Variants in RILPL1 observed in about 807,000 individuals in gnomAD.
RILPL1 encodes the protein Rab interacting lysosomal protein like 1, also known as RILP-like protein 1.
Under a neutral mutation model 50.3 loss-of-function variants are expected in RILPL1, and 33 were observed. The observed-to-expected ratio is 0.66, with a 90% confidence interval of 0.50 to 0.88. The LOEUF (loss-of-function observed/expected upper bound fraction) is 0.88. Among genes scored for constraint, RILPL1 ranks in the 40% least tolerant of loss-of-function variants. The probability of loss-of-function intolerance (pLI) is 0.00; values close to 1 mark genes in which losing one functional copy is unlikely to be tolerated. For missense variants in RILPL1, 418 were observed against 542.5 expected (o/e 0.77, Z 2.28); for synonymous variants, 205 against 228.6 (o/e 0.90, Z 0.93).
chr12:123,490,938 T>G (rs1302845742), intron 4 of RILPL1, among the ~76,000 whole-genome samples: 1 of 152,080 alleles, frequency 6.6e-6, no homozygotes, highest in Non-Finnish European at 1.5e-5. Context: ...TTAGTAGAGA[T>G]GGGCTTTCGC....
In RILPL1 at chr12:123,528,330, G is replaced by C. The variant is rs145890250; in HGVS notation, c.310-4685C>G. Among the ~76,000 whole-genome samples the C allele has an allele frequency of 4.5e-4, 66 of 148,178 alleles. No individual in the cohort carries two copies. In the East Asian group the frequency reaches 0.013, roughly 29 times the overall value. On this transcript the variant is annotated intron_variant, in intron 1 of 6. Coordinates refer to ENST00000376874, the MANE Select transcript of RILPL1 (RefSeq NM_178314.5). ...GCCAATGGTCACGCACGGCACGCCA[G>C]CCTGGGCAACAGAGTGAGATGCTGT...
chr12:123,501,377 C>T (rs747841259), intron 2 of RILPL1, among the ~76,000 whole-genome samples: 25 of 151,908 alleles, frequency 1.6e-4, no homozygotes, highest in Admixed American at 2.6e-4. Context: ...CCCAGGAGTT[C>T]GAGGCTGCAG....
chr12:123,511,808 G>A (rs1210550308), intron 2 of RILPL1, among the ~76,000 whole-genome samples: 1 of 135,078 alleles, frequency 7.4e-6, no homozygotes, highest in Admixed American at 7.2e-5. Flanking sequence ...TGTGTGGTGT[G>A]TGAGGTCTGT....
At chr12:123,504,220 A>G (rs1883591382) in intron 2 of RILPL1, among the ~76,000 whole-genome samples, 1 of 152,072 alleles carries the variant, frequency 6.6e-6, no homozygotes, top group Non-Finnish European at 1.5e-5. Context: ...CAAGGGGGAA[A>G]CGTCCCTCCT....
chr12:123,503,481 G>T (rs905437944), intron 2 of RILPL1, among the ~76,000 whole-genome samples: 2 of 151,822 alleles, frequency 1.3e-5, no homozygotes, highest in African/African-American at 4.8e-5. Context: ...GATTATATAG[G>T]CATGAGCCAC....
chr12:123,471,404 A>G lies in RILPL1; in HGVS notation c.*1134T>C, dbSNP rs1281940272. ...ATGGTTTCTTAGCAAACTTCAGTAG[A>G]ATGTTTAGAACGCGGCCCTGATAAA... On this transcript the variant is annotated 3_prime_UTR_variant, in exon 7 of 7. Transcript: ENST00000376874. 2 of 152,140 alleles carry G rather than the reference A, an allele frequency of 1.3e-5. No individual in the cohort carries two copies. Among genetic ancestry groups the G allele is most frequent in the Non-Finnish European group, 2.9e-5 (2 of 68,056 alleles). 9.4% of individuals were successfully genotyped at this position (152,140 alleles called of 1,614,324 possible).
chr12:123,506,024 T>A (rs894580257), intron 2 of RILPL1, among the ~76,000 whole-genome samples: 3 of 152,202 alleles, frequency 2.0e-5, no homozygotes, highest in Non-Finnish European at 2.9e-5. Context: ...CTCACTGGTT[T>A]ACAGATGTCA....
chr12:123,497,063 T>C (rs1338829432), intron 4 of RILPL1, among the ~76,000 whole-genome samples: 3 of 152,238 alleles, frequency 2.0e-5, no homozygotes, highest in Non-Finnish European at 4.4e-5. Flanking sequence ...TGGGCCTGGC[T>C]TCTTTCACTC....
chr12:123,511,815 CTGTGTG>C (rs148364915), intron 2 of RILPL1, among the ~76,000 whole-genome samples: 1 of 75,414 alleles, frequency 1.3e-5, no homozygotes, highest in African/African-American at 6.6e-5. Context: ...TGTGTGAGGT[CTGTGTG>C]TGTGTGTGAG....
At chr12:123,476,611 G>T (rs1363052639) in intron 6 of RILPL1, among the ~76,000 whole-genome samples, 1 of 152,066 alleles carries the variant, frequency 6.6e-6, no homozygotes, top group South Asian at 2.1e-4. Context: ...CTGAGGTGAG[G>T]CTTCTGCAGG....
At chr12:123,482,302 A>C (rs182257901) in intron 6 of RILPL1, among the ~76,000 whole-genome samples, 29 of 152,240 alleles carry the variant, frequency 1.9e-4, no homozygotes, top group Non-Finnish European at 2.2e-4. Flanking sequence ...CTTCCCTAGG[A>C]AATGTTTATC....
At chr12:123,508,009 TA>T (rs1225909062) in intron 2 of RILPL1, among the ~76,000 whole-genome samples, 1 of 131,922 alleles carries the variant, frequency 7.6e-6, no homozygotes, top group Non-Finnish European at 1.6e-5. Flanking sequence ...CTAGGGGGAA[TA>T]GGGGGAATGG....
intron 1 of RILPL1, among the ~76,000 whole-genome samples, chr12:123,527,260 G>C (rs1265846643): frequency 6.6e-6 from 1 of 152,158 alleles, no homozygotes; most frequent in East Asian, 1.9e-4. Flanking sequence ...GAGCCCCGGA[G>C]GTTGAGGCTG....
chr12:123,501,915 A>C (rs1187019345), intron 2 of RILPL1, among the ~76,000 whole-genome samples: 1 of 151,650 alleles, frequency 6.6e-6, no homozygotes, highest in African/African-American at 2.4e-5. Context: ...GTCTCTACTA[A>C]AAATACAAAA....
rs1036530282 is a variant in RILPL1, at chr12:123,479,280, G to C, written c.1067+4900C>G. On this transcript the variant is annotated intron_variant, in intron 6 of 6. Transcript: ENST00000376874. ...CAGGATGGAAGATACTTTAGTTCAA[G>C]TACTCTAAGCTGCCGAAGCCCCTGA... Among the ~76,000 whole-genome samples, 5 of 152,076 alleles carry C rather than the reference G, an allele frequency of 3.3e-5. No individual in the cohort carries two copies. In the East Asian group the frequency reaches 9.6e-4, roughly 29 times the overall value.
chr12:123,520,226 T>C (rs963890433), intron 2 of RILPL1, among the ~76,000 whole-genome samples: 3 of 152,156 alleles, frequency 2.0e-5, no homozygotes, highest in Non-Finnish European at 4.4e-5. Context: ...CGACATGCAG[T>C]ATGGCCATAG....
chr12:123,497,359 C>T (rs545385622), intron 4 of RILPL1, among the ~76,000 whole-genome samples: 9 of 152,264 alleles, frequency 5.9e-5, no homozygotes, highest in Non-Finnish European at 1.0e-4. Flanking sequence ...ACTGGGACTA[C>T]AGGCATATGC....
intron 1 of RILPL1, among the ~76,000 whole-genome samples, chr12:123,526,527 C>T (rs899729811): frequency 6.6e-6 from 1 of 152,024 alleles, no homozygotes; most frequent in Non-Finnish European, 1.5e-5. Context: ...ATAAGTAAAG[C>T]GCCTGGAATA....
intron 2 of RILPL1, among the ~76,000 whole-genome samples, chr12:123,523,086 T>A (rs1885125855): frequency 6.6e-6 from 1 of 152,130 alleles, no homozygotes; most frequent in African/African-American, 2.4e-5. Flanking sequence ...AGTCACTCTA[T>A]CACATGCCCC....
Sources: allele counts gnomAD v4.1 joint callset (sites outside exome capture counted in the v4.1 genomes callset), GRCh38; gene constraint gnomAD v4.1.1; transcripts MANE v1.5; gene names NCBI Gene and HGNC (gene_info 2026-07-23, HGNC 2026-07-21).